Variants in MGAT4C observed in about 807,000 individuals in gnomAD.
The protein encoded by MGAT4C is MGAT4 family member C, also known as alpha-1,3-mannosyl-glycoprotein 4-beta-N-acetylglucosaminyltransferase C.
Under a neutral mutation model 40.1 loss-of-function variants are expected in MGAT4C, and 19 were observed. The ratio of observed to expected loss-of-function variants is 0.47; its 90% confidence interval spans 0.33 to 0.70. The LOEUF (loss-of-function observed/expected upper bound fraction) is 0.70. MGAT4C is among the 30% of genes least tolerant of loss of function. The probability of loss-of-function intolerance (pLI) is 0.02; values close to 1 mark genes in which losing one functional copy is unlikely to be tolerated. For synonymous variants in MGAT4C, 181 were observed against 187.1 expected, an observed-to-expected ratio of 0.97 and a Z score of 0.27; for missense variants, 491 against 563.2, an observed-to-expected ratio of 0.87 and a Z score of 1.30.
intron 2 of MGAT4C, among the ~76,000 whole-genome samples, chr12:86,509,246 G>T (rs1958528774): frequency 6.6e-6 from 1 of 152,034 alleles, no homozygotes; most frequent in Non-Finnish European, 1.5e-5. Context: ...TATAAGGTGT[G>T]AGGAAGGCAT....
intron 1 of MGAT4C, among the ~76,000 whole-genome samples, chr12:86,823,420 T>G (rs1952740718): frequency 6.6e-6 from 1 of 151,242 alleles, no homozygotes; most frequent in Admixed American, 6.6e-5. Context: ...TTTCATGTAA[T>G]TATCTGTTAA....
At chr12:86,399,080 C>T (rs1956309245) in intron 3 of MGAT4C, among the ~76,000 whole-genome samples, 3 of 152,208 alleles carry the variant, frequency 2.0e-5, no homozygotes, top group Admixed American at 6.5e-5. Context: ...AAGCGATTCT[C>T]CTGCCTCAGC....
intron 1 of MGAT4C, among the ~76,000 whole-genome samples, chr12:86,217,106 C>A (rs1306876457): frequency 6.6e-6 from 1 of 152,130 alleles, no homozygotes; most frequent in Non-Finnish European, 1.5e-5. Flanking sequence ...TAATTTAATT[C>A]TCAAGCCTAG....
chr12:86,179,222 C>T (rs577255362), intron 1 of MGAT4C, among the ~76,000 whole-genome samples: 2 of 152,270 alleles, frequency 1.3e-5, no homozygotes, highest in Admixed American at 1.3e-4. Context: ...TTTTCTCATG[C>T]CATTGCCATG....
chr12:86,316,824 C>G (rs1954247360), intron 4 of MGAT4C, among the ~76,000 whole-genome samples: 1 of 151,868 alleles, frequency 6.6e-6, no homozygotes, highest in Non-Finnish European at 1.5e-5. Flanking sequence ...CACAATATAC[C>G]CATGTAACAA....
intron 1 of MGAT4C, among the ~76,000 whole-genome samples, chr12:86,744,607 T>TA (rs11418542): frequency 0.39 from 58,352 of 149,648 alleles, 11,400 homozygotes; most frequent in Non-Finnish European, 0.42. Context: ...CATAATGAGG[T>TA]AAAAAAAAAA....
intron 1 of MGAT4C, among the ~76,000 whole-genome samples, chr12:86,797,819 T>C (rs1031650567): frequency 3.9e-5 from 6 of 151,962 alleles, no homozygotes; most frequent in Admixed American, 2.0e-4. Context: ...TCTGATATTC[T>C]TTATTGTAGT....
At chr12:86,665,965 T>A (rs1299540591) in intron 2 of MGAT4C, among the ~76,000 whole-genome samples, 2 of 152,206 alleles carry the variant, frequency 1.3e-5, no homozygotes, top group Non-Finnish European at 2.9e-5. Context: ...TGGGGTTTTT[T>A]AAGCCTCCAT....
chr12:86,503,203 T>C (rs1210867335), intron 2 of MGAT4C, among the ~76,000 whole-genome samples: 1 of 38,074 alleles, frequency 2.6e-5, no homozygotes, highest in Non-Finnish European at 4.4e-5. Context: ...TCTGCTCATA[T>C]ATATATATAT....
At chr12:86,763,291 C>A (rs965145089) in intron 1 of MGAT4C, among the ~76,000 whole-genome samples, 1 of 152,144 alleles carries the variant, frequency 6.6e-6, no homozygotes, top group Non-Finnish European at 1.5e-5. Flanking sequence ...TTTGCCTTTA[C>A]AAGGGTATAT....
chr12:86,548,216 A>G (rs1359078509), intron 2 of MGAT4C, among the ~76,000 whole-genome samples: 5 of 152,106 alleles, frequency 3.3e-5, no homozygotes, highest in Admixed American at 1.3e-4. Flanking sequence ...AAATAAGTCA[A>G]AGTAAGAAAC....
At chr12:86,097,464 A>G (rs1874142782) in intron 1 of MGAT4C, among the ~76,000 whole-genome samples, 1 of 151,632 alleles carries the variant, frequency 6.6e-6, no homozygotes, top group Non-Finnish European at 1.5e-5. Context: ...TCTTCTGGAC[A>G]TTACTCTTTT....
At chr12:86,307,313 T>A (rs532917807) in intron 4 of MGAT4C, among the ~76,000 whole-genome samples, 3 of 150,704 alleles carry the variant, frequency 2.0e-5, no homozygotes, top group African/African-American at 7.5e-5. Flanking sequence ...ATGAATTACA[T>A]AAAATAAACT....
chr12:86,805,370 C>A (rs1593223972), intron 1 of MGAT4C, among the ~76,000 whole-genome samples: 1 of 151,916 alleles, frequency 6.6e-6, no homozygotes, highest in Non-Finnish European at 1.5e-5. Context: ...CCCTACCCTC[C>A]TTAATCCCTC....
At chr12:86,574,809 T>C (rs1256408897) in intron 2 of MGAT4C, among the ~76,000 whole-genome samples, 2 of 151,796 alleles carry the variant, frequency 1.3e-5, no homozygotes, top group Admixed American at 6.6e-5. Context: ...CCTATTTATA[T>C]TGGTGATGAA....
intron 2 of MGAT4C, among the ~76,000 whole-genome samples, chr12:86,620,064 A>G (rs1962588093): frequency 6.6e-6 from 1 of 152,132 alleles, no homozygotes; most frequent in Non-Finnish European, 1.5e-5. Flanking sequence ...AAATCAACAG[A>G]TGTTGGTGAG....
Position 86,405,984 on chromosome 12 carries a change from C to T in MGAT4C, c.-120+29173G>A, listed in dbSNP as rs913043869. On this transcript the variant is annotated intron_variant, in intron 3 of 7. Coordinates refer to the MGAT4C transcript ENST00000548651. Reference sequence around the variant, plus strand: ...TATATTATACATATATATATATATACACAAAAAATATATATTATATATAAA... The same window carrying T: ...TATATTATACATATATATATATATATACAAAAAATATATATTATATATAAA... Among the ~76,000 whole-genome samples, 1,015 of 111,098 alleles carry T rather than the reference C, an allele frequency of 9.1e-3. 21 individuals carry two copies. The highest frequency in any genetic ancestry group is 0.073 in the East Asian group (280 of 3,826). The allele number at this position is 111,098 out of a possible 152,430, so 72.9% of individuals were successfully genotyped here. A position where few individuals can be genotyped will look rare whatever the true frequency, so the allele number is the denominator to read the frequency against.
Position 86,701,792 on chromosome 12 carries a change from G to A in MGAT4C, c.-229+25417C>T, listed in dbSNP as rs1174275746. ...GAATAGAAGGTAAAACTTTTTGAAG[G>A]GAATGAAAAGGGCTACTCCAATGAA... On this transcript the variant is annotated intron_variant, in intron 2 of 7. Transcript: ENST00000548651. Among the ~76,000 whole-genome samples the A allele has an allele frequency of 3.9e-5, 6 of 152,026 alleles. No homozygotes were observed. The East Asian group carries it at 1.2e-3, about 29-fold the overall frequency.
intron 3 of MGAT4C, among the ~76,000 whole-genome samples, chr12:86,357,590 A>G (rs1013328243): frequency 6.7e-6 from 1 of 150,230 alleles, no homozygotes; most frequent in South Asian, 2.1e-4. Context: ...AAAAAAGATT[A>G]GATGAATGGC....
Sources: allele counts gnomAD v4.1 joint callset (sites outside exome capture counted in the v4.1 genomes callset), GRCh38; gene constraint gnomAD v4.1.1; transcripts MANE v1.5; gene names NCBI Gene and HGNC (gene_info 2026-07-23, HGNC 2026-07-21).